Variants in ZNF230 observed in about 807,000 individuals in gnomAD.
ZNF230 encodes the protein zinc finger protein 230, also known as zinc finger protein FDZF2.
ZNF230 carries 12 observed loss-of-function variants against 10.0 expected under a neutral mutation model. The ratio of observed to expected loss-of-function variants is 1.20; its 90% CI spans 0.77 to 1.95. The LOEUF is 1.95. Among genes scored for constraint, ZNF230 ranks in the 30% most tolerant of loss-of-function variants. The probability of loss-of-function intolerance (pLI) is 0.00; values close to 1 mark genes in which losing one functional copy is unlikely to be tolerated. For synonymous variants in ZNF230, 174 were observed against 193.6 expected, an observed-to-expected ratio of 0.90 and a Z score of 0.84; for missense variants, 532 against 565.8, an observed-to-expected ratio of 0.94 and a Z score of 0.61.
intron 1 of ZNF230, chr19:44,006,660 C>T (rs1976126999): frequency 6.5e-6 from 1 of 154,368 alleles, no homozygotes; most frequent in South Asian, 2.0e-4. Flanking sequence ...CACTAACCTA[C>T]TTTTCCTCTA....
Position 44,013,891 on chromosome 19 carries a change from C to G in ZNF230, c.*2427C>G, listed in dbSNP as rs371995468. ...CGTTAATCACTTACCTACCAGGACT[C>G]AGAATCTCAGAATAAAATTGCTCTA... On this transcript the variant is annotated 3_prime_UTR_variant, in exon 5 of 5. Coordinates refer to ENST00000429154, the MANE Select transcript of ZNF230 (RefSeq NM_006300.4). 6 of 152,284 alleles carry G rather than the reference C, an allele frequency of 3.9e-5. 1 individual carries two copies. The highest frequency in any genetic ancestry group is 1.4e-4 in the African/African-American group (6 of 41,552). The allele number at this position is 152,284 out of a possible 1,614,324, so 9.4% of individuals were successfully genotyped here.
chr19:44,011,553 TAAAC>T lies in ZNF230; in HGVS notation c.*92_*95del, dbSNP rs1478056524. 8 of 1,265,064 alleles carry T rather than the reference TAAAC, an allele frequency of 6.3e-6. No individual in the cohort carries two copies. Among genetic ancestry groups the T allele is most frequent in the Non-Finnish European group, 7.6e-6 (7 of 927,110 alleles). The allele number at this position is 1,265,064 out of a possible 1,614,324, so 78.4% of individuals were successfully genotyped here. ...AATTGATGTAATTAGTGTATTACCT[TAAAC>T]AATTAACATTTCTTTGTTTTGGGAA... On this transcript the variant is annotated 3_prime_UTR_variant, in exon 5 of 5. Coordinates refer to ENST00000429154, the MANE Select transcript of ZNF230 (RefSeq NM_006300.4).
Position 44,010,707 on chromosome 19 carries a change from C to T in ZNF230, c.668C>T (p.Pro223Leu), listed in dbSNP as rs147553354. 4.4e-4 allele frequency: 704 copies of T among 1,614,214 alleles called. 2 individuals are homozygous for T. In the African/African-American group the frequency reaches 8.3e-3, roughly 19 times the overall value. ...GAGAGAGTCCACACTGGAGAGAAAC[C>T]ATTCAAATGTGAGCAATGTGGGAAA... ...TRERVHTGEK[P>L]FKCEQCGKGF... Residue 223 changes from proline (P) to leucine (L), a missense_variant, in exon 5 of 5, where the codon CCA (proline) becomes CTA (leucine). Coordinates refer to ENST00000429154, the MANE Select transcript of ZNF230 (RefSeq NM_006300.4).
At position 44,010,892 on chromosome 19, in the gene ZNF230, T is replaced by C. The variant is rs754837898; in HGVS notation, c.853T>C (p.Cys285Arg). ...TGEKPFKCEI[C>R]GKSFCLRSSL... The stretch of plus-strand genomic sequence containing the variant: ...GGAGAAGCCGTTCAAATGTGAAATA[T>C]GTGGTAAGAGCTTCTGCCTTAGGTC... The change falls in exon 5 of 5, where the codon TGT (cysteine) becomes CGT (arginine). Residue 285 changes from cysteine to arginine, a missense_variant. Coordinates refer to ENST00000429154, the MANE Select transcript of ZNF230 (RefSeq NM_006300.4). The C allele has an allele frequency of 1.9e-6, 3 of 1,614,238 alleles. No homozygotes were observed. Among genetic ancestry groups the C allele is most frequent in the South Asian group, 1.1e-5 (1 of 91,086 alleles).
Position 44,009,085 on chromosome 19 carries a change from G to A in ZNF230, c.144G>A (p.Gly48=). 1.9e-6 allele frequency: 3 copies of A among 1,614,130 alleles called. No individual in the cohort carries two copies. The highest frequency in any genetic ancestry group is 1.3e-5 in the African/African-American group (1 of 75,054). ...GCACATGACTTTGCATGTTCACAGG[G>A]CATCAACCATTCCACCCTTTCCACT... ...LENFTNLLSV[G]HQPFHPFHFL... Residue 48 remains glycine, a splice_region_variant and synonymous_variant, in exon 4 of 5, where the codon GGG becomes GGA. Transcript: ENST00000429154.
At chr19:44,005,833 G>A (rs916252847) in intron 1 of ZNF230, among the ~76,000 whole-genome samples, 1 of 152,166 alleles carries the variant, frequency 6.6e-6, no homozygotes. Context: ...AGGTTGCAGT[G>A]AGCTGAGATC....
chr19:44,010,151 G>A (rs1976161104), intron 4 of ZNF230, 118 bp from the exon 5 acceptor site: 1 of 978,506 alleles, frequency 1.0e-6, no homozygotes, highest in Non-Finnish European at 1.5e-6. Context: ...CAAGATTCAT[G>A]GGGAAAACAT....
At chr19:44,004,967 C>CA (rs1267533439) in intron 1 of ZNF230, among the ~76,000 whole-genome samples, 9 of 149,954 alleles carry the variant, frequency 6.0e-5, no homozygotes, top group African/African-American at 2.2e-4. Flanking sequence ...AAAAAAAATA[C>CA]AAAAAATTAG....
In ZNF230 at chr19:44,010,991, A is replaced by T; in HGVS notation, c.952A>T (p.Thr318Ser). The T allele has an allele frequency of 6.2e-7, 1 of 1,614,236 alleles. No homozygotes were observed. The highest frequency in any genetic ancestry group is 8.5e-7 in the Non-Finnish European group (1 of 1,180,028). The change falls in exon 5 of 5, where the codon ACT becomes TCT. Residue 318 changes from threonine to serine, a missense_variant. Thr to Ser is a moderately conservative substitution (Grantham distance 58, BLOSUM62 1). Coordinates refer to ENST00000429154, the MANE Select transcript of ZNF230 (RefSeq NM_006300.4). ...ATCTGAGGAGTGTGGAAAAGGCTTC[A>T]CTGATAGCCTAGATTTGCATAAGCA... ...YKSEECGKGF[T>S]DSLDLHKHQI...
chr19:44,010,299 A>T lies in ZNF230; in HGVS notation c.260A>T (p.His87Leu). 6.2e-7 allele frequency: 1 copy of T among 1,612,800 alleles called. No individual in the cohort carries two copies. Among genetic ancestry groups the T allele is most frequent in the Non-Finnish European group, 8.5e-7 (1 of 1,179,154 alleles). Reference sequence around the variant, plus strand: ...AAGACTATTGCGGAAGCAGGACCACATGAAGACTGCCCTTGCCAGCAAATC... The same window carrying T: ...AAGACTATTGCGGAAGCAGGACCACTTGAAGACTGCCCTTGCCAGCAAATC... The part of the protein sequence containing the change: ...GGKTIAEAGP[H>L]EDCPCQQIWE... The change falls in exon 5 of 5, where the codon CAT (histidine) becomes CTT (leucine). Residue 87 changes from histidine to leucine, a missense_variant. Coordinates refer to ENST00000429154, the MANE Select transcript of ZNF230 (RefSeq NM_006300.4).
In ZNF230 at chr19:44,011,095, G is replaced by GATCCATCAGCGA; in HGVS notation, c.1062_1073dup (p.Gln355_His358dup). ...GCTTCAGATGGTCCTCATATCTTTT[G>GATCCATCAGCGA]ATCCATCAGCGAATCCACAGTGGAG... On this transcript the variant is annotated inframe_insertion, in exon 5 of 5. Transcript: ENST00000429154. 1 of 1,614,190 alleles carries GATCCATCAGCGA rather than the reference G, an allele frequency of 6.2e-7. No homozygotes were observed.
chr19:44,009,240 C>A, intron 4 of ZNF230, 70 bp downstream of exon 4: 1 of 1,500,858 alleles, frequency 6.7e-7, no homozygotes, highest in Non-Finnish European at 9.2e-7. Context: ...CTGACCATGC[C>A]CACTTATATC....
At chr19:44,004,624 C>T (rs940793479) in intron 1 of ZNF230, 1 of 148,494 alleles carries the variant, frequency 6.7e-6, no homozygotes, top group Non-Finnish European at 1.5e-5. Flanking sequence ...CCCAGCTACT[C>T]TAGAGGCTGA....
rs1976182077 is a variant in ZNF230, at chr19:44,011,409, A to G, written c.1370A>G (p.Tyr457Cys). 9.3e-6 allele frequency: 15 copies of G among 1,609,230 alleles called. No individual in the cohort carries two copies. Among genetic ancestry groups the G allele is most frequent in the East Asian group, 2.2e-5 (1 of 44,880 alleles). The change falls in exon 5 of 5, where the codon TAC becomes TGC. Residue 457 changes from tyrosine to cysteine, a missense_variant. Transcript: ENST00000429154. ...SSKCEDCGKR[Y>C]KRRLNLDIIL... ...AAATGTGAGGACTGTGGGAAGCGCT[A>G]CAAGAGGCGCTTGAATCTGGATATA...
chr19:44,012,613 T>A lies in ZNF230; in HGVS notation c.*1149T>A, dbSNP rs1447651410. ...TTACAAAACCCTAATGATGAACATGTCAAAAGTGGTGACCACTAGAATGTC... is the reference window on the plus strand; with the variant it reads ...TTACAAAACCCTAATGATGAACATGACAAAAGTGGTGACCACTAGAATGTC... On this transcript the variant is annotated 3_prime_UTR_variant, in exon 5 of 5. Coordinates refer to ENST00000429154, the MANE Select transcript of ZNF230 (RefSeq NM_006300.4). 2.5e-6 allele frequency: 1 copy of A among 407,234 alleles called. No homozygotes were observed. The highest frequency in any genetic ancestry group is 2.1e-5 in the African/African-American group (1 of 48,442). The allele number at this position is 407,234 out of a possible 1,614,324, so 25.2% of individuals were successfully genotyped here.
chr19:44,009,391 T>TGGA (rs1976152903), intron 4 of ZNF230: 10 of 595,062 alleles, frequency 1.7e-5, no homozygotes, highest in Non-Finnish European at 3.0e-5. Context: ...AAGTCAGTTT[T>TGGA]CCACTCCTTG....
chr19:44,010,315 C>T lies in ZNF230; in HGVS notation c.276C>T (p.Cys92=). ...AEAGPHEDCP[C]QQIWEQTASD... is the part of the protein sequence containing the mutation. Reference sequence around the variant, plus strand: ...CAGGACCACATGAAGACTGCCCTTGCCAGCAAATCTGGGAACAAACTGCAA... The same window carrying T: ...CAGGACCACATGAAGACTGCCCTTGTCAGCAAATCTGGGAACAAACTGCAA... Residue 92 remains cysteine (C), a synonymous_variant, in exon 5 of 5, where the codon TGC becomes TGT. Coordinates refer to ENST00000429154, the MANE Select transcript of ZNF230 (RefSeq NM_006300.4). The T allele has an allele frequency of 6.2e-7, 1 of 1,613,678 alleles. No homozygotes were observed.
intron 1 of ZNF230, chr19:44,004,683 G>A (rs2147421623): frequency 8.0e-6 from 1 of 124,662 alleles, no homozygotes; most frequent in South Asian, 2.6e-4. Context: ...AGTGAGCCAA[G>A]ATCACGCCAC....
chr19:44,007,048 A>T lies in ZNF230; in HGVS notation c.-31A>T, dbSNP rs781084729. The T allele has an allele frequency of 1.3e-6, 2 of 1,586,300 alleles. No homozygotes were observed. The highest frequency in any genetic ancestry group is 4.5e-5 in the East Asian group (2 of 44,810). On this transcript the variant is annotated 5_prime_UTR_variant, in exon 2 of 5. Coordinates refer to ENST00000429154, the MANE Select transcript of ZNF230 (RefSeq NM_006300.4). ...CTTCCTTTGTGCTCCATTACTCAAG[A>T]CACTGAAGACTCCAAAAAGTAGTAG...
Sources: gnomAD v4.1 joint callset for allele counts (sites outside exome capture counted in the v4.1 genomes callset) on GRCh38, gnomAD v4.1.1 for gene constraint, MANE v1.5 for transcripts, NCBI Gene and HGNC (gene_info 2026-07-23, HGNC 2026-07-21) for gene names.